The following RBM43 variants were observed in gnomAD, a reference collection of about 807,000 sequenced individuals.
RBM43 encodes RNA binding motif protein 43.
In RBM43, 12 loss-of-function variants were observed where a neutral mutation model predicts 12.4. The observed-to-expected ratio is 0.97, with a 90% CI of 0.62 to 1.57. The LOEUF (loss-of-function observed/expected upper bound fraction) is 1.57, where lower values mean the gene tolerates loss of function less well. RBM43 is among the 40% of genes most tolerant of loss of function. RBM43 has a pLI of 0.00. For missense variants in RBM43, 348 were observed against 400.1 expected, an observed-to-expected ratio of 0.87 and a Z score of 1.11; for synonymous variants, 138 against 145.7, an observed-to-expected ratio of 0.95 and a Z score of 0.38.
At position 151,250,598 on chromosome 2, in the gene RBM43, CAAAAA is replaced by C; in HGVS notation, c.*303_*307del. 8.2e-6 allele frequency: 1 copy of C among 122,184 alleles called. No individual in the cohort carries two copies. The highest frequency in any genetic ancestry group is 1.6e-5 in the Non-Finnish European group (1 of 63,092). 7.6% of individuals were successfully genotyped at this position (122,184 alleles called of 1,614,324 possible). On this transcript the variant is annotated 3_prime_UTR_variant, in exon 4 of 4. Transcript: ENST00000331426. ...TGGACAACAGAGCGAGACTCCATCT[CAAAAA>C]AAAAAAAAAAAAAGTTTGGTGAGTT...
chr2:151,259,022 A>C (rs1017719382), intron 1 of RBM43, among the ~76,000 whole-genome samples: 3 of 151,900 alleles, frequency 2.0e-5, no homozygotes, highest in Non-Finnish European at 4.4e-5. Flanking sequence ...ACATGCCTGT[A>C]GTCCCAGCTA....
intron 2 of RBM43, among the ~76,000 whole-genome samples, chr2:151,253,556 C>A (rs1283898805): frequency 6.6e-6 from 1 of 152,150 alleles, no homozygotes; most frequent in Non-Finnish European, 1.5e-5. Context: ...TCCCGAATAC[C>A]CACCAGTTCT....
intron 1 of RBM43, chr2:151,261,323 G>A (rs998669069): frequency 9.0e-6 from 14 of 1,550,562 alleles, no homozygotes; most frequent in Non-Finnish European, 1.2e-5. Context: ...GGCCACTTTT[G>A]TTCCCCCCGA....
At chr2:151,252,965 A>AT (rs1334230726) in intron 2 of RBM43, 110 bp from the exon 3 acceptor site, 2 of 526,934 alleles carry the variant, frequency 3.8e-6, no homozygotes, top group Admixed American at 3.3e-5. Context: ...TTTTTTCTAC[A>AT]TTTTTCCTCT....
At chr2:151,259,226 G>A (rs1420594167) in intron 1 of RBM43, among the ~76,000 whole-genome samples, 1 of 152,026 alleles carries the variant, frequency 6.6e-6, no homozygotes, top group African/African-American at 2.4e-5. Context: ...AGTGGAAAAG[G>A]AAAAATACAC....
At chr2:151,255,479 T>A (rs1682959309) in intron 2 of RBM43, 54 bp downstream of exon 2, 2 of 1,202,398 alleles carry the variant, frequency 1.7e-6, no homozygotes, top group African/African-American at 1.5e-5. Context: ...ATGTAATTTT[T>A]AAATTTTATT....
chr2:151,261,294 C>T (rs1683042444), intron 1 of RBM43: 4 of 1,550,618 alleles, frequency 2.6e-6, no homozygotes, highest in Non-Finnish European at 3.5e-6. Context: ...CAGCTGTGAC[C>T]TCCATTTCTG....
In RBM43 at chr2:151,248,251, T is replaced by G. The variant is rs1270548600; in HGVS notation, c.*2655A>C. ...AGGTTTATACAGTATTTTCTTGGACTCAATTCTTTGTCATTGAAGATAAAA... is the reference window on the plus strand; with the variant it reads ...AGGTTTATACAGTATTTTCTTGGACGCAATTCTTTGTCATTGAAGATAAAA... On this transcript the variant is annotated 3_prime_UTR_variant, in exon 4 of 4. Transcript: ENST00000331426. The G allele has an allele frequency of 2.0e-5, 3 of 152,174 alleles. No individual in the cohort carries two copies. The highest frequency in any genetic ancestry group is 4.4e-5 in the Non-Finnish European group (3 of 68,016). 9.4% of individuals were successfully genotyped at this position (152,174 alleles called of 1,614,324 possible). A position where few individuals can be genotyped will look rare whatever the true frequency, so the allele number is the denominator to read the frequency against.
intron 1 of RBM43, 159 bp downstream of exon 1, chr2:151,261,566 C>T: frequency 3.2e-6 from 5 of 1,541,164 alleles, no homozygotes; most frequent in Non-Finnish European, 3.5e-6. Context: ...GACGGCTCTC[C>T]GGGGCCCCCG....
chr2:151,260,509 G>T (rs11691217), intron 1 of RBM43, among the ~76,000 whole-genome samples: 1 of 151,944 alleles, frequency 6.6e-6, no homozygotes, highest in Non-Finnish European at 1.5e-5. Context: ...TTCTTTATTC[G>T]AATGTCTACT....
intron 3 of RBM43, among the ~76,000 whole-genome samples, chr2:151,252,526 A>G (rs1260795781): frequency 6.6e-6 from 1 of 152,126 alleles, no homozygotes; most frequent in Non-Finnish European, 1.5e-5. Flanking sequence ...AAAAATATAC[A>G]CTTTGTAAAA....
intron 1 of RBM43, among the ~76,000 whole-genome samples, chr2:151,257,452 G>A (rs1682990057): frequency 6.6e-6 from 1 of 152,198 alleles, no homozygotes; most frequent in Non-Finnish European, 1.5e-5. Context: ...AGCACTTTGG[G>A]AGGCCGAGGC....
Position 151,261,771 on chromosome 2 carries a change from A to G in RBM43, c.-44T>C, listed in dbSNP as rs1683051201. The G allele has an allele frequency of 2.5e-6, 4 of 1,590,864 alleles. No homozygotes were observed. Among genetic ancestry groups the G allele is most frequent in the Non-Finnish European group, 3.4e-6 (4 of 1,168,914 alleles). On this transcript the variant is annotated 5_prime_UTR_variant, in exon 1 of 4. Transcript: ENST00000331426. ...CCTCAGCGGCCGCAGAAAGCCCACA[A>G]CCAGCGGAACGCAGGCGATGGGGAG...
In RBM43 at chr2:151,261,756, C is replaced by T; in HGVS notation, c.-29G>A. On this transcript the variant is annotated 5_prime_UTR_variant, in exon 1 of 4. Transcript: ENST00000331426. Reference sequence around the variant, plus strand: ...GGAGGGGAGACGCGCCCTCAGCGGCCGCAGAAAGCCCACAACCAGCGGAAC... The same window carrying T: ...GGAGGGGAGACGCGCCCTCAGCGGCTGCAGAAAGCCCACAACCAGCGGAAC... 2 of 1,599,884 alleles carry T rather than the reference C, an allele frequency of 1.3e-6. No homozygotes were observed. The highest frequency in any genetic ancestry group is 1.7e-5 in the Admixed American group (1 of 57,150).
chr2:151,250,818 T>TA lies in RBM43; in HGVS notation c.*87dup. ...AGGATGACTATAAGGATTCATGAGA[T>TA]ACGGTGTGTAAAGCTAGCCTCATTC... On this transcript the variant is annotated 3_prime_UTR_variant, in exon 4 of 4. Transcript: ENST00000331426. 1 of 876,030 alleles carries TA rather than the reference T, an allele frequency of 1.1e-6. No homozygotes were observed. The highest frequency in any genetic ancestry group is 1.8e-6 in the Non-Finnish European group (1 of 559,278). The allele number at this position is 876,030 out of a possible 1,614,324, so 54.3% of individuals were successfully genotyped here.
intron 1 of RBM43, among the ~76,000 whole-genome samples, chr2:151,259,471 C>T (rs12467046): frequency 0.36 from 54,707 of 151,654 alleles, 12,043 homozygotes; most frequent in Admixed American, 0.51. Flanking sequence ...CATAGTGAAA[C>T]GCCATCTCTA....
rs979092365 is a variant in RBM43 at position 151,257,424 on chromosome 2, G to C, written c.4-1681C>G. ...TTTAAAAAGAAGGCCAGGCACGGTG[G>C]CTCACACCTGTAATCCTAGCACTTT... On this transcript the variant is annotated intron_variant, in intron 1 of 3. Transcript: ENST00000331426. Among the ~76,000 whole-genome samples, 7 of 152,186 alleles carry C rather than the reference G, an allele frequency of 4.6e-5. No individual in the cohort carries two copies. The East Asian group carries it at 1.2e-3, about 25-fold the overall frequency.
chr2:151,252,450 G>C (rs1232929997), intron 3 of RBM43, among the ~76,000 whole-genome samples: 1 of 152,224 alleles, frequency 6.6e-6, no homozygotes, highest in African/African-American at 2.4e-5. Flanking sequence ...CTGAGCCCAA[G>C]AGGCAGAGTT....
chr2:151,254,856 C>T (rs964620774), intron 2 of RBM43, among the ~76,000 whole-genome samples: 2 of 152,078 alleles, frequency 1.3e-5, no homozygotes, highest in Non-Finnish European at 2.9e-5. Flanking sequence ...TAATTGAGGC[C>T]ACCTGAAAAT....
Sources: allele counts gnomAD v4.1 joint callset (sites outside exome capture counted in the v4.1 genomes callset), GRCh38; gene constraint gnomAD v4.1.1; transcripts MANE v1.5; gene names NCBI Gene and HGNC (gene_info 2026-07-23, HGNC 2026-07-21).